Variants in ZFTRAF1 observed in about 807,000 individuals in gnomAD.
ZFTRAF1 encodes the protein zinc finger TRAF-type and ring finger containing 1.
At chr8:144,462,214 A>T in the ZFTRAF1 span, 1 of 464,134 alleles carries the variant, frequency 2.2e-6, no homozygotes, top group Non-Finnish European at 3.8e-6. Flanking sequence ...GGAGACGCGG[A>T]TCCTGGGGCC....
chr8:144,462,061 G>C, the ZFTRAF1 span, among the ~76,000 whole-genome samples: 1 of 152,182 alleles, frequency 6.6e-6, no homozygotes, highest in Non-Finnish European at 1.5e-5. Context: ...ACAGAAAAGG[G>C]GGGTCCCGAG....
the ZFTRAF1 span, chr8:144,453,571 G>C: frequency 2.1e-6 from 2 of 942,986 alleles, no homozygotes; most frequent in Middle Eastern, 4.4e-4. Flanking sequence ...TCCAGCTGGT[G>C]CAGAGGGGCG....
chr8:144,461,175 C>T, the ZFTRAF1 span, among the ~76,000 whole-genome samples: 1 of 152,330 alleles, frequency 6.6e-6, no homozygotes, highest in African/African-American at 2.4e-5. Flanking sequence ...GGAGAAATGG[C>T]AACCTAGACT....
the ZFTRAF1 span, chr8:144,462,292 G>A: frequency 3.4e-6 from 2 of 594,306 alleles, no homozygotes; most frequent in East Asian, 3.6e-5. Flanking sequence ...CCTGGTACAC[G>A]GAGGCCTTGG....
chr8:144,451,763 A>C, the ZFTRAF1 span: 1 of 165,550 alleles, frequency 6.0e-6, no homozygotes, highest in Non-Finnish European at 1.3e-5. Context: ...CGGCCCAGAG[A>C]GCCACGAGAT....
chr8:144,452,169 C>T, the ZFTRAF1 span: 1 of 722,320 alleles, frequency 1.4e-6, no homozygotes, highest in Non-Finnish European at 2.4e-6. Flanking sequence ...TGCCTCGGCC[C>T]CTCCTTCCAC....
the ZFTRAF1 span, chr8:144,450,297 T>A: frequency 1.1e-5 from 7 of 660,974 alleles, no homozygotes; most frequent in African/African-American, 3.6e-5. Context: ...GATAGTCCTG[T>A]GAAGCAGCTG....
the ZFTRAF1 span, chr8:144,455,463 G>T: frequency 1.3e-5 from 2 of 152,266 alleles, no homozygotes; most frequent in African/African-American, 4.8e-5. Context: ...GTCAGTGGTG[G>T]GTGGACTACA....
At chr8:144,462,655 A>G in the ZFTRAF1 span, 3 of 140,954 alleles carry the variant, frequency 2.1e-5, no homozygotes, top group African/African-American at 7.8e-5. Flanking sequence ...CGCCGGACAT[A>G]GCGGCCGGCC....
chr8:144,459,039 G>A, the ZFTRAF1 span, among the ~76,000 whole-genome samples: 1 of 152,280 alleles, frequency 6.6e-6, no homozygotes, highest in African/African-American at 2.4e-5. Flanking sequence ...AGCAGGAAGG[G>A]TCAGGGCCAG....
At chr8:144,450,877 G>A in the ZFTRAF1 span, 1 of 604,056 alleles carries the variant, frequency 1.7e-6, no homozygotes, top group Non-Finnish European at 3.0e-6. Flanking sequence ...GGGGAGGAAG[G>A]CAACTTACCC....
the ZFTRAF1 span, among the ~76,000 whole-genome samples, chr8:144,461,187 G>A: frequency 5.3e-5 from 8 of 152,188 alleles, no homozygotes; most frequent in Admixed American, 3.9e-4. Flanking sequence ...ACCTAGACTA[G>A]CCCTACACCA....
At chr8:144,461,930 G>C in the ZFTRAF1 span, among the ~76,000 whole-genome samples, 1 of 152,134 alleles carries the variant, frequency 6.6e-6, no homozygotes, top group Non-Finnish European at 1.5e-5. Context: ...GCGGGCTAAG[G>C]ATCAGTTTGA....
At chr8:144,449,905 G>A in the ZFTRAF1 span, 5 of 184,238 alleles carry the variant, frequency 2.7e-5, no homozygotes, top group Non-Finnish European at 5.8e-5. Context: ...TCACAGCCAT[G>A]CCTTCCCCTC....
chr8:144,457,797 G>A, the ZFTRAF1 span: 2 of 152,240 alleles, frequency 1.3e-5, no homozygotes, highest in Non-Finnish European at 2.9e-5. Flanking sequence ...TTTCACACCT[G>A]GACTGCATGG....
chr8:144,459,259 G>A, the ZFTRAF1 span, among the ~76,000 whole-genome samples: 7 of 152,210 alleles, frequency 4.6e-5, no homozygotes, highest in African/African-American at 9.7e-5. Context: ...GACCACCTGC[G>A]CGGCCTGGTC....
At chr8:144,452,632 T>TC in the ZFTRAF1 span, 1 of 1,457,394 alleles carries the variant, frequency 6.9e-7, no homozygotes, top group Non-Finnish European at 9.2e-7. Context: ...CAACAAGCTG[T>TC]CCTCCCATAT....
At chr8:144,458,376 G>T in the ZFTRAF1 span, among the ~76,000 whole-genome samples, 1 of 152,246 alleles carries the variant, frequency 6.6e-6, no homozygotes, top group East Asian at 1.9e-4. Flanking sequence ...CCTTGCTCCT[G>T]TGTTTTAGAT....
At chr8:144,453,233 T>C in the ZFTRAF1 span, 2 of 1,550,876 alleles carry the variant, frequency 1.3e-6, no homozygotes, top group East Asian at 2.4e-5. Flanking sequence ...TGTCCTGGCA[T>C]TCCTCTTTCT....
Sources: allele counts gnomAD v4.1 joint callset (sites outside exome capture counted in the v4.1 genomes callset), GRCh38; gene constraint gnomAD v4.1.1; transcripts MANE v1.5; gene names NCBI Gene and HGNC (gene_info 2026-07-23, HGNC 2026-07-21).